The following AK9 variants were observed in gnomAD, a reference collection of about 807,000 sequenced individuals.
AK9 encodes adenylate kinase domain containing 1.
In AK9, 191 loss-of-function variants were observed where a neutral mutation model predicts 239.6. That is an observed-to-expected ratio of 0.80 (90% CI 0.71 to 0.90). The LOEUF (loss-of-function observed/expected upper bound fraction) is 0.90. Among genes scored for constraint, AK9 ranks in the 40% least tolerant of loss-of-function variants. AK9 has a pLI of 0.00. For synonymous variants in AK9, 689 were observed against 721.0 expected (o/e 0.96, Z 0.71); for missense variants, 1,995 against 2,214.7 (o/e 0.90, Z 1.99).
At position 109,674,197 on chromosome 6, in the gene AK9, C is replaced by T. The variant is rs756113504; in HGVS notation, c.181+1G>A. On this transcript the variant is annotated splice_donor_variant, in intron 3 of 40. Transcript: ENST00000424296. LOFTEE classifies it high-confidence loss of function. Reference sequence around the variant, plus strand: ...TATTAGAGAAAAAAGATAAAATTTACCTTCAACACGAATACATTTCCATGC... The same window carrying T: ...TATTAGAGAAAAAAGATAAAATTTATCTTCAACACGAATACATTTCCATGC... The T allele has an allele frequency of 6.4e-7, 1 of 1,569,384 alleles. No individual in the cohort carries two copies. Among genetic ancestry groups the T allele is most frequent in the South Asian group, 1.2e-5 (1 of 82,622 alleles).
At chr6:109,567,734 G>C (rs1389253124) in intron 21 of AK9, among the ~76,000 whole-genome samples, 2 of 118,766 alleles carry the variant, frequency 1.7e-5, no homozygotes, top group Non-Finnish European at 3.4e-5. Flanking sequence ...GGCCTGTTGT[G>C]GGGTGGGGGG....
intron 17 of AK9, among the ~76,000 whole-genome samples, chr6:109,600,014 C>T (rs546890745): frequency 6.6e-6 from 1 of 152,260 alleles, no homozygotes; most frequent in South Asian, 2.1e-4. Flanking sequence ...ACAATCATGT[C>T]ATCCACAAAC....
intron 28 of AK9, among the ~76,000 whole-genome samples, chr6:109,531,851 C>T (rs1178706043): frequency 2.6e-5 from 4 of 152,200 alleles, no homozygotes; most frequent in Non-Finnish European, 5.9e-5. Flanking sequence ...CGTCTCCCTC[C>T]TCACATCCAT....
chr6:109,682,425 T>TTAAAAAAAAA (rs1772803651), intron 1 of AK9, among the ~76,000 whole-genome samples: 1 of 46,510 alleles, frequency 2.2e-5, no homozygotes, highest in African/African-American at 2.2e-4. Flanking sequence ...AGACTCCGTC[T>TTAAAAAAAAA]CAAAAAAAAA....
Position 109,550,197 on chromosome 6 carries a change from C to T in AK9, c.2857G>A (p.Glu953Lys). 4 of 1,613,890 alleles carry T rather than the reference C, an allele frequency of 2.5e-6. No individual in the cohort carries two copies. The highest frequency in any genetic ancestry group is 3.4e-6 in the Non-Finnish European group (4 of 1,180,000). The change falls in exon 25 of 41, where the codon GAA becomes AAA. Residue 953 changes from glutamate (E) to lysine (K), a missense_variant. Physicochemically the swap from Glu to Lys is moderately conservative, Grantham distance 56 (BLOSUM62 1). This residue lies in a region of AK9 where 1,290 missense variants were observed against 1,392.7 expected (regional missense o/e 0.93). Transcript: ENST00000424296. ...NFILQPGNTEEAAKYREKIYY... is the reference protein window; with the variant it reads ...NFILQPGNTEKAAKYREKIYY... ...ATCTTTTCTCGATACTTGGCTGCTT[C>T]TTCTGTGTTTCCTGGTTGCAGGATG...
In AK9 at chr6:109,667,587, GT is replaced by G. The variant is rs562258056; in HGVS notation, c.331+4331del. On this transcript the variant is annotated intron_variant, in intron 5 of 40. Coordinates refer to ENST00000424296, the MANE Select transcript of AK9 (RefSeq NM_001145128.3). ...CCCACAACAGGCTCCAGTGTGTGAT[GT>G]TCCCCTTCCTGTGTCCAAGTGTTCT... is the stretch of plus-strand genomic sequence containing the variant. Among the ~76,000 whole-genome samples, 5 of 149,956 alleles carry G rather than the reference GT, an allele frequency of 3.3e-5. No individual in the cohort carries two copies. In the South Asian group the frequency reaches 1.1e-3, roughly 32 times the overall value.
At chr6:109,542,259 G>A in intron 26 of AK9, 88 bp from the exon 27 acceptor site, 2 of 1,286,590 alleles carry the variant, frequency 1.6e-6, no homozygotes, top group Non-Finnish European at 2.1e-6. Context: ...AGTTAAAGAG[G>A]AGGACCTCAT....
At chr6:109,584,556 T>C (rs550955943) in intron 19 of AK9, among the ~76,000 whole-genome samples, 6 of 152,278 alleles carry the variant, frequency 3.9e-5, no homozygotes, top group Admixed American at 6.5e-5. Context: ...GAAGGACTTA[T>C]AGTTTATTAA....
intron 19 of AK9, 147 bp from the exon 20 acceptor site, chr6:109,579,773 A>G: frequency 1.4e-6 from 1 of 698,982 alleles, no homozygotes; most frequent in Non-Finnish European, 2.1e-6. Context: ...ACTCATGTTG[A>G]GACTAGTTAC....
Position 109,550,188 on chromosome 6 carries a change from T to A in AK9, c.2866A>T (p.Lys956Ter). The change falls in exon 25 of 41, where the codon AAG becomes TAG. Residue 956 changes from lysine to a stop codon, truncating the protein, a stop_gained. Coordinates refer to ENST00000424296, the MANE Select transcript of AK9 (RefSeq NM_001145128.3). LOFTEE classifies it high-confidence loss of function. ...LQPGNTEEAA[K>*]YREKIYYFSS... ...AAGTAGTAGATCTTTTCTCGATACT[T>A]GGCTGCTTCTTCTGTGTTTCCTGGT... The A allele has an allele frequency of 6.2e-7, 1 of 1,613,986 alleles. No individual in the cohort carries two copies. The highest frequency in any genetic ancestry group is 8.5e-7 in the Non-Finnish European group (1 of 1,180,010).
At chr6:109,499,347 A>G in intron 35 of AK9, 107 bp from the exon 36 acceptor site, 1 of 855,388 alleles carries the variant, frequency 1.2e-6, no homozygotes, top group Non-Finnish European at 1.6e-6. Flanking sequence ...CATACACATT[A>G]TAAAATTCCA....
At chr6:109,666,559 C>A (rs1264002646) in intron 5 of AK9, among the ~76,000 whole-genome samples, 1 of 152,212 alleles carries the variant, frequency 6.6e-6, no homozygotes, top group Non-Finnish European at 1.5e-5. Flanking sequence ...CTCATTAGCT[C>A]AACCAATGAG....
intron 20 of AK9, among the ~76,000 whole-genome samples, chr6:109,574,453 A>G (rs1474080187): frequency 6.6e-6 from 1 of 152,186 alleles, no homozygotes; most frequent in Non-Finnish European, 1.5e-5. Flanking sequence ...TGATAAACAT[A>G]TAAAGATATG....
intron 12 of AK9, among the ~76,000 whole-genome samples, chr6:109,630,718 A>C (rs1796013245): frequency 6.6e-6 from 1 of 152,086 alleles, no homozygotes. Context: ...GGTGGTGTGC[A>C]TCTGTCATCC....
At chr6:109,552,793 A>C (rs1784520870) in intron 24 of AK9, among the ~76,000 whole-genome samples, 1 of 152,276 alleles carries the variant, frequency 6.6e-6, no homozygotes, top group African/African-American at 2.4e-5. Flanking sequence ...CTATGTCCTG[A>C]ATGGTATTGC....
chr6:109,532,554 T>G (rs1389709992), intron 28 of AK9, among the ~76,000 whole-genome samples: 1 of 152,206 alleles, frequency 6.6e-6, no homozygotes, highest in Non-Finnish European at 1.5e-5. Flanking sequence ...GGTTTTGATT[T>G]TTATCCATGT....
At chr6:109,538,007 G>A (rs531076407) in intron 27 of AK9, among the ~76,000 whole-genome samples, 22 of 152,272 alleles carry the variant, frequency 1.4e-4, no homozygotes, top group Non-Finnish European at 2.9e-4. Context: ...CATTTGCTGA[G>A]GAGTTCTTTA....
Position 109,542,168 on chromosome 6 carries a change from G to A in AK9, c.3229C>T (p.Pro1077Ser). ...VEEENTKKQLPEVQLTEEEEV... is the reference protein window; with the variant it reads ...VEEENTKKQLSEVQLTEEEEV... The stretch of plus-strand genomic sequence containing the variant: ...TCTTCTTCTGTAAGTTGTACTTCTG[G>A]AAGCTAAAAACAAAAATCAGAAAAC... The change falls in exon 27 of 41, where the codon CCA becomes TCA. Residue 1077 changes from proline (P) to serine (S), a missense_variant. Pro to Ser is a moderately conservative substitution (Grantham distance 74). Coordinates refer to ENST00000424296, the MANE Select transcript of AK9 (RefSeq NM_001145128.3). The A allele has an allele frequency of 6.3e-7, 1 of 1,583,240 alleles. No individual in the cohort carries two copies. The highest frequency in any genetic ancestry group is 8.6e-7 in the Non-Finnish European group (1 of 1,169,486).
chr6:109,649,358 A>C (rs1424907791), intron 8 of AK9, among the ~76,000 whole-genome samples: 6 of 152,066 alleles, frequency 3.9e-5, no homozygotes, highest in African/African-American at 1.2e-4. Context: ...GTCTCAGCCC[A>C]AAATCTCCTC....
Sources: allele counts gnomAD v4.1 joint callset (sites outside exome capture counted in the v4.1 genomes callset), GRCh38; gene constraint gnomAD v4.1.1; regional missense constraint gnomAD v4.1.1; transcripts MANE v1.5; gene names NCBI Gene and HGNC (gene_info 2026-07-23, HGNC 2026-07-21).